The following CDK7 variants were observed in gnomAD, a reference collection of about 807,000 sequenced individuals.
CDK7 encodes cyclin dependent kinase 7, also known as cyclin-dependent kinase 7.
Under a neutral mutation model 49.1 loss-of-function variants are expected in CDK7, and 25 were observed. The observed-to-expected ratio is 0.51, with a 90% CI of 0.37 to 0.71. CDK7 has a LOEUF of 0.71. CDK7 is among the 30% of genes least tolerant of loss of function. The pLI is 0.00. For synonymous variants in CDK7, 107 were observed against 140.0 expected (o/e 0.76, Z 1.67); for missense variants, 316 against 411.7 (o/e 0.77, Z 2.01).
At chr5:69,258,866 A>G (rs780666014) in intron 6 of CDK7, among the ~76,000 whole-genome samples, 13 of 152,172 alleles carry the variant, frequency 8.5e-5, no homozygotes, top group Non-Finnish European at 1.2e-4. Flanking sequence ...TCTCGAGCCC[A>G]GGAGTTCTAG....
At chr5:69,265,282 AT>A (rs199666395) in intron 8 of CDK7, among the ~76,000 whole-genome samples, 1 of 151,934 alleles carries the variant, frequency 6.6e-6, no homozygotes, top group African/African-American at 2.4e-5. Context: ...AAAAAAAAAA[AT>A]GAGTACAATT....
In CDK7 at chr5:69,254,670, G is replaced by T. The variant is rs1309871037; in HGVS notation, c.228+1G>T. ...GCTAAGTCATCCAAATATAATTGGT[G>T]TGAGTATGATCAAAACTGTTACTGG... is the stretch of plus-strand genomic sequence containing the variant. On this transcript the variant is annotated splice_donor_variant, in intron 4 of 11. Coordinates refer to ENST00000256443, the MANE Select transcript of CDK7 (RefSeq NM_001799.4). LOFTEE classifies it high-confidence loss of function. 2.7e-6 allele frequency: 4 copies of T among 1,480,894 alleles called. No homozygotes were observed. The Middle Eastern group carries it at 5.1e-4, about 191-fold the overall frequency. The allele number at this position is 1,480,894 out of a possible 1,614,324, so 91.7% of individuals were successfully genotyped here. A position where few individuals can be genotyped will look rare whatever the true frequency, so the allele number is the denominator to read the frequency against.
In CDK7 at chr5:69,252,438, A is replaced by G. The variant is rs1338431312; in HGVS notation, c.147A>G (p.Ser49=). ...ACCAGATCAAACTTGGACATAGATC[A>G]GAAGCTAAAGATGGTAAGTATTTCA... is the stretch of plus-strand genomic sequence containing the variant. ...AIKKIKLGHR[S]EAKDGINRTA... is the part of the protein sequence containing the mutation. The change falls in exon 3 of 12, where the codon TCA becomes TCG. Residue 49 remains serine, a synonymous_variant. Coordinates refer to ENST00000256443, the MANE Select transcript of CDK7 (RefSeq NM_001799.4). 1 of 1,552,970 alleles carries G rather than the reference A, an allele frequency of 6.4e-7. No homozygotes were observed.
At chr5:69,247,225 C>T (rs982295251) in intron 2 of CDK7, among the ~76,000 whole-genome samples, 1 of 152,176 alleles carries the variant, frequency 6.6e-6, no homozygotes, top group Non-Finnish European at 1.5e-5. Flanking sequence ...TGTATGGGGT[C>T]TGCCTCTTTA....
intron 2 of CDK7, among the ~76,000 whole-genome samples, chr5:69,245,294 C>T (rs56374798): frequency 1.2e-4 from 5 of 42,974 alleles, no homozygotes; most frequent in Non-Finnish European, 2.1e-4. Flanking sequence ...TTTCCCCTCC[C>T]TTCCCCCTCC....
At chr5:69,260,742 T>C (rs1353733107) in intron 7 of CDK7, among the ~76,000 whole-genome samples, 1 of 152,246 alleles carries the variant, frequency 6.6e-6, no homozygotes, top group African/African-American at 2.4e-5. Flanking sequence ...ATAGATTTTA[T>C]AATTTTTGTC....
intron 8 of CDK7, among the ~76,000 whole-genome samples, chr5:69,265,283 T>A (rs77635941): frequency 0.026 from 3,767 of 143,118 alleles, 161 homozygotes; most frequent in African/African-American, 0.09. Flanking sequence ...AAAAAAAAAA[T>A]GAGTACAATT....
intron 10 of CDK7, among the ~76,000 whole-genome samples, chr5:69,273,654 G>A (rs1457403363): frequency 6.6e-6 from 1 of 152,104 alleles, no homozygotes; most frequent in Admixed American, 6.5e-5. Flanking sequence ...AATAACTTAG[G>A]GCAGAGCACT....
At chr5:69,253,628 C>T (rs1197090862) in intron 3 of CDK7, among the ~76,000 whole-genome samples, 1 of 152,142 alleles carries the variant, frequency 6.6e-6, no homozygotes, top group Non-Finnish European at 1.5e-5. Context: ...CACTAGTTTG[C>T]TTTTAGCACA....
intron 5 of CDK7, among the ~76,000 whole-genome samples, chr5:69,257,573 C>G (rs1750568504): frequency 6.6e-6 from 1 of 152,120 alleles, no homozygotes; most frequent in African/African-American, 2.4e-5. Context: ...TTCTTTGATT[C>G]TAGCACAAGT....
chr5:69,265,863 T>C (rs541213531), intron 8 of CDK7, among the ~76,000 whole-genome samples: 2 of 151,812 alleles, frequency 1.3e-5, no homozygotes, highest in African/African-American at 2.4e-5. Flanking sequence ...GGAGGTGATA[T>C]CGTGCCACAT....
rs1241525991 is a variant in CDK7 at position 69,234,930 on chromosome 5, C to G, written c.-46C>G. ...AAGGTAGCTTTAAATTCGTGTTGTCCTGGGAGCTCGCCCTTTTCGGCTGGA... is the reference window on the plus strand; with the variant it reads ...AAGGTAGCTTTAAATTCGTGTTGTCGTGGGAGCTCGCCCTTTTCGGCTGGA... On this transcript the variant is annotated 5_prime_UTR_variant, in exon 1 of 12. Coordinates refer to ENST00000256443, the MANE Select transcript of CDK7 (RefSeq NM_001799.4). 1.3e-6 allele frequency: 2 copies of G among 1,552,330 alleles called. No individual in the cohort carries two copies. The highest frequency in any genetic ancestry group is 2.7e-5 in the African/African-American group (2 of 73,624).
chr5:69,246,135 T>G (rs2150192120), intron 2 of CDK7, among the ~76,000 whole-genome samples: 1 of 152,034 alleles, frequency 6.6e-6, no homozygotes, highest in East Asian at 1.9e-4. Context: ...GAAGTTTGTT[T>G]GTTTGTTTGT....
At chr5:69,252,065 T>G (rs927557552) in intron 2 of CDK7, among the ~76,000 whole-genome samples, 2 of 152,216 alleles carry the variant, frequency 1.3e-5, no homozygotes, top group African/African-American at 4.8e-5. Context: ...TCTGTATCTT[T>G]CCTCCCAAGT....
intron 8 of CDK7, among the ~76,000 whole-genome samples, chr5:69,263,676 A>G (rs1211714484): frequency 1.3e-5 from 2 of 152,252 alleles, no homozygotes; most frequent in Admixed American, 6.5e-5. Flanking sequence ...AGCTGGCATG[A>G]TAACTGCTAC....
intron 8 of CDK7, among the ~76,000 whole-genome samples, chr5:69,263,653 G>A (rs1344132509): frequency 6.6e-6 from 1 of 152,162 alleles, no homozygotes; most frequent in Non-Finnish European, 1.5e-5. Context: ...GCTAACAGGG[G>A]GTCCTGTGAA....
intron 9 of CDK7, among the ~76,000 whole-genome samples, chr5:69,270,664 C>G (rs1271375980): frequency 6.6e-6 from 1 of 152,148 alleles, no homozygotes; most frequent in Non-Finnish European, 1.5e-5. Context: ...AATTTGTTCT[C>G]CAGCTCTGTA....
chr5:69,250,180 C>G (rs1750047248), intron 2 of CDK7, among the ~76,000 whole-genome samples: 1 of 152,180 alleles, frequency 6.6e-6, no homozygotes, highest in Non-Finnish European at 1.5e-5. Context: ...TTATTATAGT[C>G]TTCACAGTCT....
At chr5:69,238,662 TA>T (rs1042102558) in intron 2 of CDK7, among the ~76,000 whole-genome samples, 27 of 136,864 alleles carry the variant, frequency 2.0e-4, no homozygotes, top group Non-Finnish European at 6.2e-5. Flanking sequence ...TTTTTTATTT[TA>T]TTTTTTTTTT....
Sources: gnomAD v4.1 joint callset for allele counts (sites outside exome capture counted in the v4.1 genomes callset) on GRCh38, gnomAD v4.1.1 for gene constraint, MANE v1.5 for transcripts, NCBI Gene and HGNC (gene_info 2026-07-23, HGNC 2026-07-21) for gene names.